PHF14: variants seen among roughly 807,000 people sequenced by gnomAD.
PHF14 encodes the protein PHD finger protein 14.
PHF14 carries 55 observed loss-of-function variants against 117.9 expected under a neutral mutation model. That is an observed-to-expected ratio of 0.47 (90% confidence interval 0.38 to 0.58). PHF14 has a LOEUF of 0.58. PHF14 is among the 20% of genes least tolerant of loss of function. The pLI, the probability that PHF14 is intolerant of heterozygous loss-of-function variation, is 0.00. For missense variants in PHF14, 978 were observed against 1,122.2 expected, an observed-to-expected ratio of 0.87 and a Z score of 1.84; for synonymous variants, 409 against 368.6, an observed-to-expected ratio of 1.11 and a Z score of -1.26.
intron 12 of PHF14, 31 bp downstream of exon 12, chr7:11,040,806 A>G (rs914792358): frequency 3.7e-6 from 4 of 1,081,618 alleles, no homozygotes; most frequent in South Asian, 3.6e-5. Flanking sequence ...TGATAGAATA[A>G]TGTTGTGTAT....
chr7:11,084,489 T>A (rs1583450272), intron 16 of PHF14, among the ~76,000 whole-genome samples: 1 of 126,544 alleles, frequency 7.9e-6, no homozygotes, highest in Admixed American at 8.8e-5. Flanking sequence ...TAGGGTTTAC[T>A]CTTGTGTTTT....
intron 16 of PHF14, among the ~76,000 whole-genome samples, chr7:11,077,184 A>G (rs1247572319): frequency 6.6e-6 from 1 of 152,070 alleles, no homozygotes; most frequent in Non-Finnish European, 1.5e-5. Flanking sequence ...GTCTTGTCTT[A>G]AAGATCAACA....
chr7:11,065,917 A>G (rs1474091447), intron 16 of PHF14, among the ~76,000 whole-genome samples: 1 of 152,116 alleles, frequency 6.6e-6, no homozygotes, highest in Non-Finnish European at 1.5e-5. Context: ...CTTTAATTTT[A>G]TTTTGTATTG....
At chr7:11,160,097 CTAT>C (rs1258804895) in intron 17 of PHF14, among the ~76,000 whole-genome samples, 2 of 152,054 alleles carry the variant, frequency 1.3e-5, no homozygotes, top group African/African-American at 4.8e-5. Context: ...TCTCCAGTGT[CTAT>C]TATTGCCATC....
chr7:11,053,705 G>A (rs954098142), intron 14 of PHF14, among the ~76,000 whole-genome samples: 4 of 152,026 alleles, frequency 2.6e-5, no homozygotes, highest in Admixed American at 2.6e-4. Flanking sequence ...ATATTACAGT[G>A]AAATTTTTGT....
intron 4 of PHF14, among the ~76,000 whole-genome samples, 153 bp from the exon 5 acceptor site, chr7:11,013,594 A>T (rs1783428061): frequency 6.6e-6 from 1 of 152,214 alleles, no homozygotes; most frequent in Admixed American, 6.5e-5. Context: ...AGTATATAAA[A>T]TGAGTTTATT....
chr7:10,985,453 A>T (rs1157412376), intron 3 of PHF14, among the ~76,000 whole-genome samples: 1 of 152,026 alleles, frequency 6.6e-6, no homozygotes, highest in Non-Finnish European at 1.5e-5. Flanking sequence ...CTTAGCTGCT[A>T]AGTTCATTTG....
At chr7:11,032,152 C>T (rs1183090385) in intron 7 of PHF14, among the ~76,000 whole-genome samples, 1 of 152,120 alleles carries the variant, frequency 6.6e-6, no homozygotes, top group African/African-American at 2.4e-5. Flanking sequence ...ATAGTCCTAA[C>T]TGCTCAGGAG....
intron 16 of PHF14, among the ~76,000 whole-genome samples, chr7:11,088,701 T>C (rs1786519159): frequency 6.6e-6 from 1 of 152,186 alleles, no homozygotes; most frequent in South Asian, 2.1e-4. Context: ...AAAAGACATT[T>C]ATAGCTATAG....
intron 4 of PHF14, among the ~76,000 whole-genome samples, chr7:11,012,266 C>G (rs549309018): frequency 5.9e-4 from 90 of 152,278 alleles, no homozygotes; most frequent in Admixed American, 2.2e-3. Flanking sequence ...TTAGGCAGAT[C>G]TGGAAGCCTA....
Position 11,111,351 on chromosome 7 carries a change from TG to T in PHF14, c.2657del (p.Cys886LeufsTer17). 6.6e-7 allele frequency: 1 copy of T among 1,521,570 alleles called. No homozygotes were observed. The highest frequency in any genetic ancestry group is 9.1e-7 in the Non-Finnish European group (1 of 1,099,616). The allele number at this position is 1,521,570 out of a possible 1,614,324, so 94.3% of individuals were successfully genotyped here. On this transcript the variant is annotated frameshift_variant and splice_region_variant, in exon 17 of 18. Coordinates refer to ENST00000634607, the MANE Select transcript of PHF14 (RefSeq NM_001007157.2). LOFTEE classifies it high-confidence loss of function. ...CCTATAAATCTGTTTACCCTGCAGG[TG>T]TGATGAATGCAGACTCTGCTACCAT... is the stretch of plus-strand genomic sequence containing the variant. ...GTGDNENLVR[C>X]DECRLCYHFG... is the part of the protein sequence containing the mutation.
At position 11,127,156 on chromosome 7, in the gene PHF14, C is replaced by T. The variant is rs570888136; in HGVS notation, c.2772+15689C>T. Among the ~76,000 whole-genome samples the T allele has an allele frequency of 2.0e-3, 309 of 151,666 alleles. 1 individual carries two copies. Among genetic ancestry groups the T allele is most frequent in the African/African-American group, 7.3e-3 (302 of 41,340 alleles). On this transcript the variant is annotated intron_variant, in intron 17 of 17. Transcript: ENST00000634607. ...AGTCCAGTCCAGTTTAATGTCAAAT[C>T]TTCTATTCTCAGCAGCTCAGACCTC...
intron 16 of PHF14, among the ~76,000 whole-genome samples, chr7:11,096,144 T>C (rs1420783065): frequency 6.6e-6 from 1 of 152,036 alleles, no homozygotes. Flanking sequence ...TTTTGGTTCT[T>C]TTATTCTTTT....
At chr7:11,056,625 A>G (rs1455520193) in intron 14 of PHF14, among the ~76,000 whole-genome samples, 1 of 151,926 alleles carries the variant, frequency 6.6e-6, no homozygotes, top group Non-Finnish European at 1.5e-5. Flanking sequence ...TTTTTTGTAT[A>G]TAGCAATTTT....
At chr7:11,099,762 TA>T (rs1415966269) in intron 16 of PHF14, among the ~76,000 whole-genome samples, 1 of 152,138 alleles carries the variant, frequency 6.6e-6, no homozygotes, top group Non-Finnish European at 1.5e-5. Flanking sequence ...CATTTTTTCT[TA>T]AGTTATGTAA....
intron 16 of PHF14, among the ~76,000 whole-genome samples, chr7:11,070,965 T>C (rs1389386107): frequency 1.3e-5 from 2 of 152,226 alleles, no homozygotes; most frequent in African/African-American, 4.8e-5. Context: ...ATAAAAACTT[T>C]TAAAATTACT....
Position 11,140,627 on chromosome 7 carries a change from T to A in PHF14, c.2773-28789T>A, listed in dbSNP as rs139395027. 3.8e-4 allele frequency among the ~76,000 whole-genome samples: 58 copies of A among 152,246 alleles called. 1 individual carries two copies. The highest frequency in any genetic ancestry group is 4.7e-4 in the Non-Finnish European group (32 of 68,008). The stretch of plus-strand genomic sequence containing the variant: ...GTTTTTCTTATACAAAGAAATAATA[T>A]AATCCATAACTGCAAGAATATACTA... On this transcript the variant is annotated intron_variant, in intron 17 of 17. Transcript: ENST00000634607.
intron 17 of PHF14, among the ~76,000 whole-genome samples, chr7:11,158,256 C>T (rs1445840792): frequency 6.6e-6 from 1 of 151,976 alleles, no homozygotes; most frequent in Non-Finnish European, 1.5e-5. Context: ...TTTTCCTTGC[C>T]TTTCATGATC....
At chr7:11,050,263 A>G (rs17163923) in intron 13 of PHF14, among the ~76,000 whole-genome samples, 4,430 of 152,290 alleles carry the variant, frequency 0.029, 86 homozygotes, top group Middle Eastern at 0.071. Context: ...TATGAGAATT[A>G]TAAGCTACAT....
Sources: allele counts gnomAD v4.1 joint callset (sites outside exome capture counted in the v4.1 genomes callset), GRCh38; gene constraint gnomAD v4.1.1; transcripts MANE v1.5; gene names NCBI Gene and HGNC (gene_info 2026-07-23, HGNC 2026-07-21).